Variants in ENTPD5 observed in about 807,000 individuals in gnomAD.
ENTPD5 encodes the protein nucleoside diphosphate phosphatase ENTPD5.
A neutral mutation model predicts 60.2 loss-of-function variants in ENTPD5; 49 were observed. That is an observed-to-expected ratio of 0.81 (90% CI 0.65 to 1.03). ENTPD5 has a LOEUF of 1.03. Among genes scored for constraint, ENTPD5 ranks in the 50% least tolerant of loss-of-function variants. The pLI is 0.00. For synonymous variants in ENTPD5, 187 were observed against 185.4 expected (o/e 1.01, Z -0.07); for missense variants, 480 against 507.6 (o/e 0.95, Z 0.52).
At chr14:73,959,101 G>A (rs750479685), downstream of ENTPD5, 101 of 1,613,978 alleles carry the variant, frequency 6.3e-5, no homozygotes, top group Non-Finnish European at 8.5e-6. Context: ...GCTGCCATCT[G>A]GGGACTTTAT....
intron 2 of ENTPD5, among the ~76,000 whole-genome samples, chr14:74,014,481 G>A (rs2058951470): frequency 6.6e-6 from 1 of 151,998 alleles, no homozygotes; most frequent in South Asian, 2.1e-4. Flanking sequence ...ACCCCAGAAG[G>A]TTAAGGCTGC....
chr14:74,016,666 A>C (rs1393800144), intron 1 of ENTPD5, among the ~76,000 whole-genome samples: 3 of 152,150 alleles, frequency 2.0e-5, no homozygotes, highest in African/African-American at 7.2e-5. Context: ...AAAACCAATA[A>C]AAGAAACTAT....
At chr14:73,972,705 G>A (rs2057277708) in intron 13 of ENTPD5, among the ~76,000 whole-genome samples, 179 bp downstream of exon 13, 1 of 151,752 alleles carries the variant, frequency 6.6e-6, no homozygotes, top group African/African-American at 2.4e-5. Context: ...TCATATAGTT[G>A]TTTTGGTCAT....
intron 4 of ENTPD5, 85 bp from the exon 5 acceptor site, chr14:73,986,978 G>A: frequency 7.1e-6 from 7 of 989,736 alleles, no homozygotes; most frequent in Non-Finnish European, 9.7e-6. Context: ...GTCTCTGTAA[G>A]TTTTCCTATG....
chr14:73,962,874 C>A, downstream of ENTPD5: 1 of 1,042,246 alleles, frequency 9.6e-7, no homozygotes, highest in Non-Finnish European at 1.5e-6. Flanking sequence ...AAAACAAGGA[C>A]ACTTGGGAAG....
chr14:73,992,569 A>T (rs2058176055), intron 3 of ENTPD5, among the ~76,000 whole-genome samples: 1 of 151,628 alleles, frequency 6.6e-6, no homozygotes, highest in Non-Finnish European at 1.5e-5. Context: ...CTGTCGCTCC[A>T]GTTACTAGGG....
downstream of ENTPD5, chr14:73,958,688 G>A (rs1181908132): frequency 7.4e-7 from 1 of 1,346,044 alleles, no homozygotes; most frequent in Non-Finnish European, 9.6e-7. Context: ...GCCCCATACT[G>A]AAACTTTCCT....
At chr14:74,016,245 A>G (rs3815331) in intron 1 of ENTPD5, among the ~76,000 whole-genome samples, 9,596 of 152,310 alleles carry the variant, frequency 0.063, 507 homozygotes, top group South Asian at 0.26. Context: ...CACCTCTACC[A>G]GAGTATGAAA....
Position 73,963,468 on chromosome 14 carries a change from T to C in ENTPD5, c.*3460A>G, listed in dbSNP as rs575176709. On this transcript the variant is annotated 3_prime_UTR_variant, in exon 16 of 16. Coordinates refer to ENST00000334696, the MANE Select transcript of ENTPD5 (RefSeq NM_001249.5). ...AAATATAAATTGCTTTAACCTTTGT[T>C]ACAGGTATACTGGACTTTCTGAAAG... The C allele has an allele frequency of 3.1e-4, 61 of 196,720 alleles. 1 individual carries two copies. The highest frequency in any genetic ancestry group is 1.0e-3 in the South Asian group (10 of 9,944). 12.2% of individuals were successfully genotyped at this position (196,720 alleles called of 1,614,324 possible).
intron 6 of ENTPD5, among the ~76,000 whole-genome samples, chr14:73,979,085 C>T (rs757359964): frequency 6.6e-6 from 1 of 152,186 alleles, no homozygotes; most frequent in African/African-American, 2.4e-5. Flanking sequence ...ATACCAAGCA[C>T]ATACCTGCCT....
Position 73,977,350 on chromosome 14 carries a change from G to T in ENTPD5, c.466C>A (p.Pro156Thr). Residue 156 changes from proline (P) to threonine (T), a missense_variant, in exon 7 of 16, where the codon CCT (proline) becomes ACT (threonine). Coordinates refer to ENST00000334696, the MANE Select transcript of ENTPD5 (RefSeq NM_001249.5). ...ACACTGCCCTTTGGTACCAGGAAAG[G>T]TGACTTCCTGAAGATCTCCTTTACC... ...FEVKEIFRKSPFLVPKGSVSI... is the reference protein window; with the variant it reads ...FEVKEIFRKSTFLVPKGSVSI... 1 of 1,601,450 alleles carries T rather than the reference G, an allele frequency of 6.2e-7. No homozygotes were observed. Among genetic ancestry groups the T allele is most frequent in the Non-Finnish European group, 8.5e-7 (1 of 1,172,704 alleles).
At chr14:73,987,543 C>T (rs955402589) in intron 4 of ENTPD5, among the ~76,000 whole-genome samples, 1 of 151,932 alleles carries the variant, frequency 6.6e-6, no homozygotes, top group Non-Finnish European at 1.5e-5. Flanking sequence ...CATGGTGGCA[C>T]AAGCCTGTAG....
downstream of ENTPD5, chr14:73,955,647 C>G: frequency 7.4e-7 from 1 of 1,355,024 alleles, no homozygotes; most frequent in Non-Finnish European, 1.1e-6. Context: ...TGGGGAGAAG[C>G]ATTCCCAGGA....
intron 3 of ENTPD5, among the ~76,000 whole-genome samples, chr14:74,009,407 C>A (rs1005934582): frequency 2.0e-5 from 3 of 152,172 alleles, no homozygotes; most frequent in Non-Finnish European, 4.4e-5. Context: ...AAAACATTTT[C>A]CCTTTCTTGT....
At chr14:74,017,106 G>A (rs1331404315) in intron 1 of ENTPD5, among the ~76,000 whole-genome samples, 1 of 152,188 alleles carries the variant, frequency 6.6e-6, no homozygotes, top group African/African-American at 2.4e-5. Context: ...ATCACCTGAG[G>A]TTGGAAGTTC....
intron 3 of ENTPD5, among the ~76,000 whole-genome samples, chr14:74,001,902 T>G (rs924132361): frequency 2.0e-5 from 3 of 151,836 alleles, no homozygotes; most frequent in African/African-American, 7.3e-5. Context: ...TTATATGAAT[T>G]TGAGAAACAA....
chr14:73,955,989 A>G, downstream of ENTPD5: 1 of 1,606,992 alleles, frequency 6.2e-7, no homozygotes. Context: ...GACTTACTGG[A>G]AGAAAGGATC....
chr14:73,958,505 G>T, downstream of ENTPD5: 1 of 1,364,350 alleles, frequency 7.3e-7, no homozygotes, highest in Non-Finnish European at 9.5e-7. Context: ...CAGATAGCTG[G>T]GCCTCACAGG....
chr14:73,977,306 G>A lies in ENTPD5; in HGVS notation c.510C>T (p.Ser170=), dbSNP rs143835358. ...TATCAACACCTCTCCCACCTTCGTCGGATCCATCCATGATGCTAACACTGC... is the reference window on the plus strand; with the variant it reads ...TATCAACACCTCTCCCACCTTCGTCAGATCCATCCATGATGCTAACACTGC... ...PKGSVSIMDG[S]DEGILAWVTV... The change falls in exon 7 of 16, where the codon TCC becomes TCT. Residue 170 remains serine (S), a synonymous_variant. Coordinates refer to ENST00000334696, the MANE Select transcript of ENTPD5 (RefSeq NM_001249.5). The A allele has an allele frequency of 2.0e-3, 3,158 of 1,610,500 alleles. 19 individuals are homozygous for A. The highest frequency in any genetic ancestry group is 1.7e-3 in the Non-Finnish European group (1,981 of 1,178,328).
Sources: gnomAD v4.1 joint callset for allele counts (sites outside exome capture counted in the v4.1 genomes callset) on GRCh38, gnomAD v4.1.1 for gene constraint, MANE v1.5 for transcripts, NCBI Gene and HGNC (gene_info 2026-07-23, HGNC 2026-07-21) for gene names.